Variants in NRIP1 observed in about 807,000 individuals in gnomAD.
The protein encoded by NRIP1 is nuclear receptor interacting protein 1.
In NRIP1, 28 loss-of-function variants were observed where a neutral mutation model predicts 75.0. That is an observed-to-expected ratio of 0.37 (90% CI 0.28 to 0.51). The LOEUF (loss-of-function observed/expected upper bound fraction) is 0.51. Ranked by LOEUF, NRIP1 falls within the 20% of genes least tolerant of loss-of-function variation. The pLI is 0.92. For synonymous variants in NRIP1, 526 were observed against 487.6 expected, an observed-to-expected ratio of 1.08 and a Z score of -1.04; for missense variants, 1,435 against 1,343.7, an observed-to-expected ratio of 1.07 and a Z score of -1.06.
chr21:15,005,430 G>A (rs1257561124), intron 3 of NRIP1, among the ~76,000 whole-genome samples: 1 of 152,096 alleles, frequency 6.6e-6, no homozygotes, highest in Non-Finnish European at 1.5e-5. Context: ...GAAGTTGTTG[G>A]TTGGTTGAAC....
chr21:15,047,316 C>G (rs897268530), intron 1 of NRIP1, among the ~76,000 whole-genome samples: 10 of 152,016 alleles, frequency 6.6e-5, no homozygotes, highest in African/African-American at 2.2e-4. Context: ...CCGAGGCAGG[C>G]AGATCACGAG....
intron 1 of NRIP1, among the ~76,000 whole-genome samples, chr21:15,059,955 A>G (rs1259696987): frequency 1.3e-5 from 2 of 152,108 alleles, no homozygotes; most frequent in Non-Finnish European, 2.9e-5. Context: ...TTTATTTTCA[A>G]CTCTTTCCTA....
upstream of NRIP1, chr21:15,065,896 T>G (rs1302367872): frequency 6.6e-6 from 1 of 151,434 alleles, no homozygotes; most frequent in African/African-American, 2.5e-5. Context: ...GGCTGCTACT[T>G]CTTCAGCAGC....
At chr21:15,026,393 T>A (rs145604608) in intron 2 of NRIP1, among the ~76,000 whole-genome samples, 1 of 152,310 alleles carries the variant, frequency 6.6e-6, no homozygotes, top group Admixed American at 6.5e-5. Context: ...AATTCTTAGA[T>A]CTGACAATGA....
intron 3 of NRIP1, among the ~76,000 whole-genome samples, chr21:14,990,918 G>A (rs2087553585): frequency 6.6e-6 from 1 of 152,110 alleles, no homozygotes; most frequent in South Asian, 2.1e-4. Context: ...AAGTTGAGTG[G>A]GAAGAAGGGT....
At chr21:15,041,050 A>G (rs1259318535) in intron 2 of NRIP1, among the ~76,000 whole-genome samples, 2 of 152,118 alleles carry the variant, frequency 1.3e-5, no homozygotes, top group Admixed American at 6.6e-5. Context: ...AAAGACCCAA[A>G]AAAGTTCACA....
In NRIP1 at chr21:14,966,836, C is replaced by T; in HGVS notation, c.1357G>A (p.Glu453Lys). The change falls in exon 4 of 4, where the codon GAA becomes AAA. Residue 453 changes from glutamate to lysine, a missense_variant. Coordinates refer to ENST00000318948, the MANE Select transcript of NRIP1 (RefSeq NM_003489.4). ...TCCAGGGAAACAGGTTGGTCAGATT[C>T]TGATTTTTCAGTTCGGTGTTTGCAA... ...LSCKHRTEKS[E>K]SDQPVSLDNF... 2 of 1,614,070 alleles carry T rather than the reference C, an allele frequency of 1.2e-6. No homozygotes were observed. Among genetic ancestry groups the T allele is most frequent in the African/African-American group, 1.3e-5 (1 of 75,034 alleles).
At chr21:15,061,831 T>TA (rs1402056706) in intron 1 of NRIP1, among the ~76,000 whole-genome samples, 1 of 152,238 alleles carries the variant, frequency 6.6e-6, no homozygotes, top group Non-Finnish European at 1.5e-5. Flanking sequence ...CATTGTCTTC[T>TA]AGCATTGGTC....
chr21:15,059,260 T>C (rs1279898448), intron 1 of NRIP1, among the ~76,000 whole-genome samples: 1 of 152,192 alleles, frequency 6.6e-6, no homozygotes, highest in Non-Finnish European at 1.5e-5. Context: ...TTAAGACACA[T>C]GGGGTCTCTT....
chr21:15,043,241 TA>T (rs1214452041), intron 2 of NRIP1, among the ~76,000 whole-genome samples: 1 of 152,204 alleles, frequency 6.6e-6, no homozygotes. Flanking sequence ...AGTAGTAAAG[TA>T]AAATGTAAAT....
At chr21:15,003,616 G>A (rs963040630) in intron 3 of NRIP1, among the ~76,000 whole-genome samples, 22 of 152,140 alleles carry the variant, frequency 1.4e-4, no homozygotes, top group Non-Finnish European at 4.4e-5. Flanking sequence ...CAGCAAGGTC[G>A]AACGGGTCAG....
chr21:14,966,328 G>T lies in NRIP1; in HGVS notation c.1865C>A (p.Ser622Tyr), dbSNP rs1237432749. ...CAGCTTACTGGCACTAAACGTTGCA[G>T]AGTTCTGTGCACCTTCATTTTGGGC... ...KPAQNEGAQN[S>Y]ATFSASKLLQ... Residue 622 changes from serine (S) to tyrosine (Y), a missense_variant, in exon 4 of 4, where the codon TCT (serine) becomes TAT (tyrosine). Coordinates refer to ENST00000318948, the MANE Select transcript of NRIP1 (RefSeq NM_003489.4). The T allele has an allele frequency of 6.2e-7, 1 of 1,613,978 alleles. No homozygotes were observed. Among genetic ancestry groups the T allele is most frequent in the East Asian group, 2.2e-5 (1 of 44,888 alleles).
Position 15,001,229 on chromosome 21 carries a change from TCCTC to T in NRIP1, c.-335+13111_-335+13114del, listed in dbSNP as rs1270258990. Among the ~76,000 whole-genome samples, 5 of 152,286 alleles carry T rather than the reference TCCTC, an allele frequency of 3.3e-5. No individual in the cohort carries two copies. The East Asian group carries it at 9.6e-4, about 29-fold the overall frequency. The stretch of plus-strand genomic sequence containing the variant: ...GTGTATTAGTATGAGGTATTTTGCT[TCCTC>T]TCTCTCCTAAATCAAGTGTTCTGAT... On this transcript the variant is annotated intron_variant, in intron 3 of 3. Coordinates refer to ENST00000318948, the MANE Select transcript of NRIP1 (RefSeq NM_003489.4).
intron 1 of NRIP1, chr21:15,051,124 A>G: frequency 2.8e-6 from 1 of 352,536 alleles, no homozygotes; most frequent in Admixed American, 3.9e-5. Context: ...TTTGGCCCCT[A>G]GACCAACACT....
At chr21:14,980,428 C>T (rs1045698730) in intron 3 of NRIP1, among the ~76,000 whole-genome samples, 2 of 151,774 alleles carry the variant, frequency 1.3e-5, no homozygotes, top group South Asian at 2.1e-4. Context: ...GAGCCAAGAT[C>T]GCACTATTGC....
At chr21:14,974,636 C>G (rs1455374761) in intron 3 of NRIP1, among the ~76,000 whole-genome samples, 1 of 152,194 alleles carries the variant, frequency 6.6e-6, no homozygotes, top group South Asian at 2.1e-4. Context: ...TACTGTCACA[C>G]ACCCTTTGAA....
chr21:14,984,681 A>G (rs985079187), intron 3 of NRIP1, among the ~76,000 whole-genome samples: 2 of 152,218 alleles, frequency 1.3e-5, no homozygotes, highest in East Asian at 1.9e-4. Flanking sequence ...ACAGCAACAC[A>G]TGCTACAGAG....
At chr21:15,018,264 G>T (rs2088282742) in intron 2 of NRIP1, among the ~76,000 whole-genome samples, 1 of 152,090 alleles carries the variant, frequency 6.6e-6, no homozygotes, top group Non-Finnish European at 1.5e-5. Flanking sequence ...CATCTGAGTT[G>T]AACAAATTGC....
At chr21:14,978,906 A>C (rs1349370811) in intron 3 of NRIP1, among the ~76,000 whole-genome samples, 1 of 151,634 alleles carries the variant, frequency 6.6e-6, no homozygotes, top group African/African-American at 2.4e-5. Flanking sequence ...CAAAAACACA[A>C]TACATTTCTG....
Sources: gnomAD v4.1 joint callset for allele counts (sites outside exome capture counted in the v4.1 genomes callset) on GRCh38, gnomAD v4.1.1 for gene constraint, MANE v1.5 for transcripts, NCBI Gene and HGNC (gene_info 2026-07-23, HGNC 2026-07-21) for gene names.